Variants in SRRM4 observed in about 807,000 individuals in gnomAD.
SRRM4 encodes serine/arginine repetitive matrix 4, also known as serine/arginine repetitive matrix protein 4.
In SRRM4, 33 loss-of-function variants were observed where a neutral mutation model predicts 68.9. That is an observed-to-expected ratio of 0.48 (90% CI 0.36 to 0.64). SRRM4 has a LOEUF of 0.64. Among genes scored for constraint, SRRM4 ranks in the 30% least tolerant of loss-of-function variants. The pLI, the probability that SRRM4 is intolerant of heterozygous loss-of-function variation, is 0.00. For missense variants in SRRM4, 817 were observed against 827.1 expected (o/e 0.99, Z 0.15); for synonymous variants, 318 against 318.8 (o/e 1.00, Z 0.03).
At chr12:119,150,716 T>C (rs1485564944) in intron 9 of SRRM4, among the ~76,000 whole-genome samples, 1 of 152,172 alleles carries the variant, frequency 6.6e-6, no homozygotes, top group Admixed American at 6.5e-5. Flanking sequence ...TGTAATCTGA[T>C]GTTACTTACC....
intron 1 of SRRM4, among the ~76,000 whole-genome samples, chr12:118,983,779 C>T (rs1003546299): frequency 1.3e-5 from 2 of 152,184 alleles, no homozygotes; most frequent in African/African-American, 2.4e-5. Flanking sequence ...TGTTACTGTC[C>T]TGCCCTTTTC....
chr12:119,029,062 T>C (rs1223086093), intron 1 of SRRM4, among the ~76,000 whole-genome samples: 4 of 152,032 alleles, frequency 2.6e-5, no homozygotes, highest in African/African-American at 9.7e-5. Context: ...GGTGGGAAAA[T>C]ACTGTGCCCC....
intron 12 of SRRM4, among the ~76,000 whole-genome samples, chr12:119,155,199 A>T (rs1565921082): frequency 6.6e-6 from 1 of 152,256 alleles, no homozygotes; most frequent in South Asian, 2.1e-4. Context: ...AGGCCTCAGA[A>T]GAGAAAAGCT....
At chr12:119,024,699 C>T (rs1953536905) in intron 1 of SRRM4, among the ~76,000 whole-genome samples, 1 of 152,172 alleles carries the variant, frequency 6.6e-6, no homozygotes, top group South Asian at 2.1e-4. Flanking sequence ...TGTCTAAACC[C>T]AAGGATGGCC....
intron 1 of SRRM4, among the ~76,000 whole-genome samples, chr12:119,075,364 G>A (rs866632549): frequency 6.6e-6 from 1 of 151,266 alleles, no homozygotes; most frequent in Non-Finnish European, 1.5e-5. Context: ...TGATGATGAC[G>A]ATTATGATGG....
intron 1 of SRRM4, among the ~76,000 whole-genome samples, chr12:118,986,277 A>C (rs934838185): frequency 6.6e-6 from 1 of 152,156 alleles, no homozygotes; most frequent in Non-Finnish European, 1.5e-5. Flanking sequence ...GGTCACAGAA[A>C]ATGCTTGCCC....
intron 2 of SRRM4, among the ~76,000 whole-genome samples, chr12:119,112,840 A>G (rs1954153096): frequency 6.6e-6 from 1 of 152,304 alleles, no homozygotes; most frequent in African/African-American, 2.4e-5. Context: ...TAGGGAAAAG[A>G]GCAAATGCAT....
At chr12:119,029,037 T>G (rs989606000) in intron 1 of SRRM4, among the ~76,000 whole-genome samples, 1 of 152,146 alleles carries the variant, frequency 6.6e-6, no homozygotes, top group African/African-American at 2.4e-5. Context: ...AGGCCACCAC[T>G]GCAAAAAGCA....
chr12:119,002,873 C>T (rs1207267921), intron 1 of SRRM4, among the ~76,000 whole-genome samples: 1 of 152,100 alleles, frequency 6.6e-6, no homozygotes, highest in African/African-American at 2.4e-5. Flanking sequence ...TAACACCCAG[C>T]ATCTATTAGG....
At chr12:119,075,908 G>GTGATGA (rs1425158280) in intron 1 of SRRM4, among the ~76,000 whole-genome samples, 1 of 96,516 alleles carries the variant, frequency 1.0e-5, no homozygotes, top group Admixed American at 1.1e-4. Flanking sequence ...AGCGATGATG[G>GTGATGA]TGATGATGAT....
Position 119,130,756 on chromosome 12 carries a change from G to A in SRRM4, c.693G>A (p.Lys231=), listed in dbSNP as rs764626844. ...GCCGCTGCTCCAAGACCCTCTGCAA[G>A]GACAGCCCTGAGGCCCAGTCCAGTC... ...HSRRCSKTLC[K]DSPEAQSSRP... The change falls in exon 8 of 13, where the codon AAG becomes AAA. Residue 231 remains lysine, a synonymous_variant. Transcript: ENST00000267260. The A allele has an allele frequency of 3.1e-5, 50 of 1,610,794 alleles. 1 individual carries two copies. The South Asian group carries it at 4.9e-4, about 16-fold the overall frequency.
intron 1 of SRRM4, among the ~76,000 whole-genome samples, chr12:119,059,131 G>A (rs915892673): frequency 5.3e-4 from 80 of 152,122 alleles, no homozygotes; most frequent in African/African-American, 1.8e-3. Context: ...AACCACTTCT[G>A]TTTGGGTCTT....
chr12:119,138,539 C>T (rs1794046237), intron 8 of SRRM4, among the ~76,000 whole-genome samples: 1 of 152,108 alleles, frequency 6.6e-6, no homozygotes, highest in Admixed American at 6.5e-5. Flanking sequence ...TATAAATATC[C>T]CAGCTCCCTC....
Position 118,996,908 on chromosome 12 carries a change from A to T in SRRM4, c.131+14895A>T, listed in dbSNP as rs559851465. ...TAGGTGATTACTTCAGTGGAAGTCCATTCCAAGACTAGGTTCAGATAGAGG... is the reference window on the plus strand; with the variant it reads ...TAGGTGATTACTTCAGTGGAAGTCCTTTCCAAGACTAGGTTCAGATAGAGG... On this transcript the variant is annotated intron_variant, in intron 1 of 12. Coordinates refer to ENST00000267260, the MANE Select transcript of SRRM4 (RefSeq NM_194286.4). Among the ~76,000 whole-genome samples the T allele has an allele frequency of 3.9e-5, 6 of 152,336 alleles. No individual in the cohort carries two copies. The East Asian group carries it at 1.2e-3, about 29-fold the overall frequency.
At chr12:119,110,340 C>T (rs1257858875) in intron 2 of SRRM4, among the ~76,000 whole-genome samples, 1 of 152,218 alleles carries the variant, frequency 6.6e-6, no homozygotes, top group Non-Finnish European at 1.5e-5. Context: ...AGAACCACTA[C>T]TATCTTCAAA....
intron 1 of SRRM4, among the ~76,000 whole-genome samples, chr12:119,054,703 A>T (rs916662993): frequency 3.3e-5 from 5 of 152,204 alleles, no homozygotes; most frequent in African/African-American, 4.8e-5. Flanking sequence ...CTTCAGTTCC[A>T]GATAGATCCA....
intron 1 of SRRM4, among the ~76,000 whole-genome samples, chr12:119,021,174 GT>G (rs1025730212): frequency 4.6e-5 from 7 of 152,114 alleles, no homozygotes; most frequent in Non-Finnish European, 8.8e-5. Context: ...GGAATATTCT[GT>G]TTTGCAATCT....
rs992637802 is a variant in SRRM4 at position 119,123,385 on chromosome 12, C to T, written c.515+1265C>T. On this transcript the variant is annotated intron_variant, in intron 6 of 12. Transcript: ENST00000267260. ...GCCACGTGTATTGAATGTGCTTTCACACTAAGCACAGATAGAGTACACGTT... is the reference window on the plus strand; with the variant it reads ...GCCACGTGTATTGAATGTGCTTTCATACTAAGCACAGATAGAGTACACGTT... Among the ~76,000 whole-genome samples, 3 of 152,158 alleles carry T rather than the reference C, an allele frequency of 2.0e-5. No homozygotes were observed. The East Asian group carries it at 5.8e-4, about 29-fold the overall frequency.
chr12:119,042,893 A>G (rs1016892536), intron 1 of SRRM4, among the ~76,000 whole-genome samples: 3 of 152,164 alleles, frequency 2.0e-5, no homozygotes, highest in Non-Finnish European at 4.4e-5. Context: ...AATACAGCAA[A>G]GAGGCTGGCA....
Sources: gnomAD v4.1 joint callset for allele counts (sites outside exome capture counted in the v4.1 genomes callset) on GRCh38, gnomAD v4.1.1 for gene constraint, MANE v1.5 for transcripts, NCBI Gene and HGNC (gene_info 2026-07-23, HGNC 2026-07-21) for gene names.